PREX2: variants seen among roughly 807,000 people sequenced by gnomAD.
The protein encoded by PREX2 is phosphatidylinositol 3,4,5-trisphosphate-dependent Rac exchanger 2 protein.
In PREX2, 107 loss-of-function variants were observed where a neutral mutation model predicts 203.2. The ratio of observed to expected loss-of-function variants is 0.53; its 90% CI spans 0.45 to 0.62. The LOEUF (loss-of-function observed/expected upper bound fraction) is 0.62. PREX2 is among the 20% of genes least tolerant of loss of function. The pLI, the probability that PREX2 is intolerant of heterozygous loss-of-function variation, is 0.00. For missense variants in PREX2, 1,777 were observed against 1,955.9 expected (o/e 0.91, Z 1.72); for synonymous variants, 672 against 663.6 (o/e 1.01, Z -0.19).
chr8:67,952,277 C>A lies in PREX2; in HGVS notation c.-118C>A. The A allele has an allele frequency of 2.4e-6, 2 of 828,708 alleles. No homozygotes were observed. The highest frequency in any genetic ancestry group is 3.3e-6 in the Non-Finnish European group (2 of 608,544). 51.3% of individuals were successfully genotyped at this position (828,708 alleles called of 1,614,324 possible). The stretch of plus-strand genomic sequence containing the variant: ...CAGCATGTAAAGTCTTCTGTCTCTC[C>A]TCGGAGTTGGCGGAGGCGGCAACTT... On this transcript the variant is annotated 5_prime_UTR_variant, in exon 1 of 40. Transcript: ENST00000288368.
At chr8:67,953,832 A>G (rs193185670) in intron 1 of PREX2, among the ~76,000 whole-genome samples, 1 of 152,242 alleles carries the variant, frequency 6.6e-6, no homozygotes, top group Non-Finnish European at 1.5e-5. Flanking sequence ...TAGAATTATT[A>G]TATACTTCCT....
chr8:68,168,731 C>T (rs1019742890), intron 35 of PREX2, among the ~76,000 whole-genome samples: 4 of 152,158 alleles, frequency 2.6e-5, no homozygotes, highest in South Asian at 2.1e-4. Context: ...CTTGGTTTTA[C>T]GGGCCACAAG....
intron 23 of PREX2, among the ~76,000 whole-genome samples, chr8:68,106,993 T>G (rs6472383): frequency 9.9e-5 from 15 of 151,890 alleles, no homozygotes; most frequent in African/African-American, 3.1e-4. Context: ...TCTAACTCTA[T>G]GAGACTCTTA....
At chr8:68,039,345 C>T (rs60207976) in intron 7 of PREX2, among the ~76,000 whole-genome samples, 27,510 of 152,002 alleles carry the variant, frequency 0.18, 2,526 homozygotes, top group African/African-American at 0.21. Context: ...TTGTAGCAGC[C>T]TGTAACTTAG....
chr8:68,009,153 G>A (rs1402159058), intron 1 of PREX2, among the ~76,000 whole-genome samples: 1 of 152,024 alleles, frequency 6.6e-6, no homozygotes, highest in Non-Finnish European at 1.5e-5. Flanking sequence ...CATTTCTCTG[G>A]GTTTTCCAGC....
intron 4 of PREX2, 71 bp from the exon 5 acceptor site, chr8:68,027,151 T>C: frequency 8.8e-7 from 1 of 1,140,898 alleles, no homozygotes; most frequent in Non-Finnish European, 1.3e-6. Context: ...TTTTAGCATT[T>C]TATGGTGGAA....
intron 33 of PREX2, among the ~76,000 whole-genome samples, chr8:68,141,491 G>T (rs1040176123): frequency 4.5e-4 from 68 of 152,082 alleles, no homozygotes; most frequent in Non-Finnish European, 4.9e-4. Flanking sequence ...CAATCAATAA[G>T]AAATCAATAT....
At chr8:68,028,203 T>C (rs1188977312) in intron 5 of PREX2, among the ~76,000 whole-genome samples, 1 of 151,904 alleles carries the variant, frequency 6.6e-6, no homozygotes, top group Non-Finnish European at 1.5e-5. Flanking sequence ...TATGTATGTA[T>C]GCATGTGTAT....
At chr8:68,226,758 A>G (rs1373587317) in intron 39 of PREX2, among the ~76,000 whole-genome samples, 3 of 152,232 alleles carry the variant, frequency 2.0e-5, no homozygotes, top group Admixed American at 6.5e-5. Context: ...ACAATGGAAT[A>G]GAATGAAAAT....
chr8:67,973,704 G>T (rs1045678933), intron 1 of PREX2, among the ~76,000 whole-genome samples: 1 of 152,190 alleles, frequency 6.6e-6, no homozygotes, highest in African/African-American at 2.4e-5. Context: ...GCATTACTAT[G>T]TATGTGGGTT....
chr8:68,209,489 A>C (rs1812704813), intron 37 of PREX2, among the ~76,000 whole-genome samples: 1 of 152,308 alleles, frequency 6.6e-6, no homozygotes. Context: ...GAATATTATC[A>C]CACTAGTAGG....
At chr8:68,059,846 C>T (rs531970881) in intron 10 of PREX2, among the ~76,000 whole-genome samples, 3 of 152,322 alleles carry the variant, frequency 2.0e-5, no homozygotes, top group Non-Finnish European at 2.9e-5. Flanking sequence ...TTGCTCTCAG[C>T]TTCTGCAGGC....
chr8:68,028,586 G>A (rs1807797552), intron 5 of PREX2, among the ~76,000 whole-genome samples: 1 of 151,832 alleles, frequency 6.6e-6, no homozygotes, highest in Non-Finnish European at 1.5e-5. Context: ...GTCTAGCATT[G>A]CTTGCTTAAG....
rs2571374 is a variant in PREX2, at chr8:68,045,757, A to G, written c.943+1167A>G. ...TGGCAGAGGTAGATATCTCATTTCA[A>G]ATCCCTTTCTATGCTACAGACTGTA... On this transcript the variant is annotated intron_variant, in intron 8 of 39. Coordinates refer to ENST00000288368, the MANE Select transcript of PREX2 (RefSeq NM_024870.4). 1.1e-3 allele frequency among the ~76,000 whole-genome samples: 169 copies of G among 152,164 alleles called. 1 individual carries two copies. The highest frequency in any genetic ancestry group is 1.8e-3 in the Non-Finnish European group (124 of 67,974).
chr8:68,230,490 TGTAA>T (rs1813146248), intron 39 of PREX2, among the ~76,000 whole-genome samples: 1 of 152,212 alleles, frequency 6.6e-6, no homozygotes, highest in East Asian at 1.9e-4. Context: ...CAGGATATGC[TGTAA>T]GTAATGCATA....
chr8:68,052,198 T>G (rs1029301002), intron 8 of PREX2, among the ~76,000 whole-genome samples: 1 of 152,180 alleles, frequency 6.6e-6, no homozygotes, highest in African/African-American at 2.4e-5. Context: ...TGAATGACTT[T>G]CAGGAGAGAC....
chr8:68,212,331 A>G (rs956701544), intron 37 of PREX2, among the ~76,000 whole-genome samples: 9 of 152,194 alleles, frequency 5.9e-5, no homozygotes, highest in Non-Finnish European at 1.3e-4. Context: ...ACCTGATATT[A>G]TTCATCTGCT....
chr8:68,116,107 A>G (rs551575699), intron 26 of PREX2, among the ~76,000 whole-genome samples, 175 bp downstream of exon 26: 50 of 152,352 alleles, frequency 3.3e-4, no homozygotes, highest in African/African-American at 1.2e-3. Flanking sequence ...TAATATTTCA[A>G]ATCCTTCCCT....
chr8:67,981,382 C>A (rs972381485), intron 1 of PREX2, among the ~76,000 whole-genome samples: 1 of 152,102 alleles, frequency 6.6e-6, no homozygotes, highest in Non-Finnish European at 1.5e-5. Context: ...AGTCTGAGAA[C>A]AATATTGCAG....
Sources: allele counts gnomAD v4.1 joint callset (sites outside exome capture counted in the v4.1 genomes callset), GRCh38; gene constraint gnomAD v4.1.1; transcripts MANE v1.5; gene names NCBI Gene and HGNC (gene_info 2026-07-23, HGNC 2026-07-21).